Variants in PDE1A observed in about 807,000 individuals in gnomAD.
PDE1A encodes dual specificity calcium/calmodulin-dependent 3',5'-cyclic nucleotide phosphodiesterase 1A.
A neutral mutation model predicts 61.7 loss-of-function variants in PDE1A; 35 were observed. The ratio of observed to expected loss-of-function variants is 0.57; its 90% CI spans 0.43 to 0.75. The LOEUF (loss-of-function observed/expected upper bound fraction) is 0.75. Ranked by LOEUF, PDE1A falls within the 30% of genes least tolerant of loss-of-function variation. The probability of loss-of-function intolerance (pLI) is 0.00; values close to 1 mark genes in which losing one functional copy is unlikely to be tolerated. For missense variants in PDE1A, 597 were observed against 630.6 expected (o/e 0.95, Z 0.57); for synonymous variants, 232 against 213.2 (o/e 1.09, Z -0.77).
intron 1 of PDE1A, among the ~76,000 whole-genome samples, chr2:182,386,455 G>C (rs13387603): frequency 0.27 from 41,163 of 150,312 alleles, 5,772 homozygotes; most frequent in East Asian, 0.45. Flanking sequence ...CTCTGCCCCG[G>C]CGCCCTGTCT....
At chr2:182,220,356 G>T (rs1688616516) in intron 7 of PDE1A, among the ~76,000 whole-genome samples, 1 of 151,956 alleles carries the variant, frequency 6.6e-6, no homozygotes, top group Non-Finnish European at 1.5e-5. Context: ...GCACTATATG[G>T]CACCAAATCT....
the PDE1A span, among the ~76,000 whole-genome samples, chr2:182,695,925 C>G: frequency 1.3e-5 from 2 of 152,138 alleles, no homozygotes; most frequent in Non-Finnish European, 2.9e-5. Context: ...TACTACATAC[C>G]TATCAGAATG....
chr2:182,596,467 G>C, the PDE1A span, among the ~76,000 whole-genome samples: 3 of 152,186 alleles, frequency 2.0e-5, no homozygotes, highest in Non-Finnish European at 2.9e-5. Context: ...AGGGGAGAAG[G>C]AAAGCCAGTG....
At chr2:182,388,014 A>G (rs991681642) in intron 1 of PDE1A, among the ~76,000 whole-genome samples, 3 of 152,170 alleles carry the variant, frequency 2.0e-5, no homozygotes, top group Non-Finnish European at 4.4e-5. Flanking sequence ...ATAGAAACCA[A>G]AAAAGAGCAG....
intron 7 of PDE1A, among the ~76,000 whole-genome samples, chr2:182,209,945 T>C (rs537776627): frequency 7.2e-4 from 110 of 152,336 alleles, no homozygotes; most frequent in African/African-American, 2.5e-3. Context: ...TATGCATTCA[T>C]GTTTCCTTCA....
chr2:182,497,028 C>G (rs1688757025), intron 2 of PDE1A, among the ~76,000 whole-genome samples: 1 of 152,092 alleles, frequency 6.6e-6, no homozygotes, highest in Non-Finnish European at 1.5e-5. Flanking sequence ...TATGGTCTTA[C>G]TTCACAGAGT....
the PDE1A span, among the ~76,000 whole-genome samples, chr2:182,607,449 T>C: frequency 1.3e-4 from 20 of 152,322 alleles, no homozygotes; most frequent in African/African-American, 3.8e-4. Context: ...TCTCTCAGCA[T>C]AGTGGGGGAT....
chr2:182,478,620 A>G (rs1687518111), intron 2 of PDE1A, among the ~76,000 whole-genome samples: 1 of 151,908 alleles, frequency 6.6e-6, no homozygotes, highest in South Asian at 2.1e-4. Context: ...AAATCACAAC[A>G]CAAAAGTCAA....
At chr2:182,576,543 C>T in the PDE1A span, among the ~76,000 whole-genome samples, 3 of 152,148 alleles carry the variant, frequency 2.0e-5, no homozygotes, top group Admixed American at 6.5e-5. Context: ...ACAAATATTT[C>T]TTCAAGATCT....
chr2:182,368,080 C>A (rs945676001), intron 1 of PDE1A, among the ~76,000 whole-genome samples: 1 of 152,250 alleles, frequency 6.6e-6, no homozygotes, highest in African/African-American at 2.4e-5. Context: ...CCAATCTTTT[C>A]TCATCTATCT....
chr2:182,199,361 C>T (rs1686413749), intron 10 of PDE1A, among the ~76,000 whole-genome samples: 1 of 151,882 alleles, frequency 6.6e-6, no homozygotes, highest in Non-Finnish European at 1.5e-5. Flanking sequence ...TATTTTGATT[C>T]AATTTTCTTA....
chr2:182,549,626 T>C, the PDE1A span, among the ~76,000 whole-genome samples: 80 of 152,188 alleles, frequency 5.3e-4, 1 homozygote, highest in African/African-American at 1.9e-3. Context: ...TCACTATAAG[T>C]AAAGGCAAAA....
chr2:182,340,089 A>G (rs1204983904), intron 1 of PDE1A, among the ~76,000 whole-genome samples: 1 of 152,204 alleles, frequency 6.6e-6, no homozygotes, highest in Non-Finnish European at 1.5e-5. Context: ...TTGTTGAATT[A>G]TGACAAGGCC....
chr2:182,242,383 G>A (rs568552790), intron 2 of PDE1A, among the ~76,000 whole-genome samples: 31 of 152,224 alleles, frequency 2.0e-4, no homozygotes, highest in African/African-American at 7.2e-4. Flanking sequence ...ATAATGATAC[G>A]GATTAATTAG....
At chr2:182,392,287 G>T (rs987447935) in intron 1 of PDE1A, among the ~76,000 whole-genome samples, 1 of 152,204 alleles carries the variant, frequency 6.6e-6, no homozygotes, top group Non-Finnish European at 1.5e-5. Context: ...GACAGCATGT[G>T]CAGGGGAACT....
At chr2:182,252,159 T>G (rs1048902617) in intron 2 of PDE1A, among the ~76,000 whole-genome samples, 1 of 152,188 alleles carries the variant, frequency 6.6e-6, no homozygotes, top group African/African-American at 2.4e-5. Flanking sequence ...TTTTAGGGAT[T>G]TTTAAAATAT....
chr2:182,409,706 G>A (rs1476486708), intron 1 of PDE1A, among the ~76,000 whole-genome samples: 1 of 152,074 alleles, frequency 6.6e-6, no homozygotes, highest in Non-Finnish European at 1.5e-5. Flanking sequence ...TAGGCATAAG[G>A]GAAGCCAAAA....
At chr2:182,404,460 T>G (rs1465863239) in intron 1 of PDE1A, among the ~76,000 whole-genome samples, 1 of 152,238 alleles carries the variant, frequency 6.6e-6, no homozygotes, top group Non-Finnish European at 1.5e-5. Context: ...GTTTCTTTCT[T>G]CAATAAACAA....
chr2:182,211,517 T>C (rs1292521272), intron 7 of PDE1A, among the ~76,000 whole-genome samples: 2 of 152,226 alleles, frequency 1.3e-5, no homozygotes, highest in Non-Finnish European at 2.9e-5. Context: ...TGCCTCTCCA[T>C]ACAAACTTTA....
Sources: gnomAD v4.1 joint callset for allele counts (sites outside exome capture counted in the v4.1 genomes callset) on GRCh38, gnomAD v4.1.1 for gene constraint, MANE v1.5 for transcripts, NCBI Gene and HGNC (gene_info 2026-07-23, HGNC 2026-07-21) for gene names.